The following CIROZ variants were observed in gnomAD, a reference collection of about 807,000 sequenced individuals.
CIROZ encodes ciliated left-right organizer protein containing ZP-N domains, also known as ciliated left-right organizer ZP-N domains-containing protein.
chr1:10,954,068 C>G, the CIROZ span: 4 of 1,613,850 alleles, frequency 2.5e-6, no homozygotes, highest in Non-Finnish European at 1.7e-6. Context: ...GGGCAGCCAT[C>G]TCGGCAAATT....
At chr1:10,953,796 C>T in the CIROZ span, among the ~76,000 whole-genome samples, 1 of 152,176 alleles carries the variant, frequency 6.6e-6, no homozygotes, top group African/African-American at 2.4e-5. Flanking sequence ...TGGCAGACTC[C>T]AGGGCCAGGA....
chr1:10,977,767 G>C, the CIROZ span, among the ~76,000 whole-genome samples: 1 of 152,158 alleles, frequency 6.6e-6, no homozygotes, highest in African/African-American at 2.4e-5. Context: ...ATAGCACAAA[G>C]GTGATGAAAG....
chr1:10,948,946 C>T, the CIROZ span: 51 of 1,184,592 alleles, frequency 4.3e-5, no homozygotes, highest in Middle Eastern at 2.3e-4. Flanking sequence ...TTCGAGGGAC[C>T]GGGTGCGGTG....
At chr1:10,963,735 G>C in the CIROZ span, among the ~76,000 whole-genome samples, 2 of 150,636 alleles carry the variant, frequency 1.3e-5, no homozygotes, top group Non-Finnish European at 3.0e-5. Context: ...CATTACCCAG[G>C]TCAAAAAAAA....
chr1:10,959,310 C>G, the CIROZ span, among the ~76,000 whole-genome samples: 4 of 152,140 alleles, frequency 2.6e-5, no homozygotes, highest in African/African-American at 9.7e-5. This position sits in a 1 kb window ranked among gnomAD's most constrained non-coding sequence, Gnocchi z 4.3. Flanking sequence ...TGAGACAGGC[C>G]CAGGCAAACC....
At chr1:10,947,962 C>A in the CIROZ span, 17 of 1,613,752 alleles carry the variant, frequency 1.1e-5, no homozygotes, top group Non-Finnish European at 1.4e-5. Flanking sequence ...GGCCCTCCCA[C>A]AGATGAGGCT....
chr1:10,949,797 G>A, the CIROZ span: 1 of 1,565,320 alleles, frequency 6.4e-7, no homozygotes, highest in African/African-American at 1.4e-5. Flanking sequence ...GTTGAGGCAG[G>A]CGACTCTGTT....
chr1:10,975,178 C>T, the CIROZ span, among the ~76,000 whole-genome samples: 2 of 152,038 alleles, frequency 1.3e-5, no homozygotes, highest in Non-Finnish European at 2.9e-5. Context: ...TAGGCCGAGG[C>T]GGGTGGATCA....
chr1:10,962,915 T>C, the CIROZ span, among the ~76,000 whole-genome samples: 1 of 151,876 alleles, frequency 6.6e-6, no homozygotes, highest in Non-Finnish European at 1.5e-5. Flanking sequence ...AAGCCAGGAG[T>C]TTGAGACCAG....
the CIROZ span, among the ~76,000 whole-genome samples, chr1:10,979,501 G>C: frequency 6.6e-6 from 1 of 152,148 alleles, no homozygotes; most frequent in African/African-American, 2.4e-5. Flanking sequence ...CTCCTGGCGG[G>C]AGTGAGGTTG....
chr1:10,972,420 T>TACAAACACACACACAC, the CIROZ span, among the ~76,000 whole-genome samples: 1 of 131,724 alleles, frequency 7.6e-6, no homozygotes, highest in Non-Finnish European at 1.6e-5. Flanking sequence ...GTCTCTGAAA[T>TACAAACACACACACAC]ACACACACAC....
the CIROZ span, among the ~76,000 whole-genome samples, chr1:10,964,750 C>T: frequency 1.3e-5 from 2 of 152,286 alleles, no homozygotes; most frequent in South Asian, 2.1e-4. Context: ...TGTGCCTCAG[C>T]CTCCCAAGTA....
At chr1:10,956,524 G>A in the CIROZ span, among the ~76,000 whole-genome samples, 2 of 149,828 alleles carry the variant, frequency 1.3e-5, no homozygotes, top group Non-Finnish European at 3.0e-5. Context: ...CCCCCAGGCT[G>A]GAGTGCAGTG....
the CIROZ span, chr1:10,948,751 C>T: frequency 6.5e-7 from 1 of 1,540,658 alleles, no homozygotes; most frequent in Non-Finnish European, 8.7e-7. Flanking sequence ...GGCTGGGGAC[C>T]TCGCTGAGCT....
chr1:10,975,330 C>T, the CIROZ span, among the ~76,000 whole-genome samples: 8 of 148,820 alleles, frequency 5.4e-5, no homozygotes, highest in South Asian at 2.2e-4. Context: ...CGCTTCAACC[C>T]GGGAGCAGAG....
the CIROZ span, chr1:10,955,092 G>A: frequency 6.2e-7 from 1 of 1,614,020 alleles, no homozygotes; most frequent in South Asian, 1.1e-5. Flanking sequence ...GGAATCTGAG[G>A]CTCAGGGTTT....
chr1:10,965,207 G>A, the CIROZ span, among the ~76,000 whole-genome samples: 4 of 151,942 alleles, frequency 2.6e-5, no homozygotes, highest in Non-Finnish European at 5.9e-5. Context: ...AGAGAAGGGC[G>A]ACCACAGAGA....
the CIROZ span, chr1:10,948,231 T>A: frequency 6.2e-7 from 1 of 1,613,892 alleles, no homozygotes; most frequent in Non-Finnish European, 8.5e-7. Context: ...CCTGGCCCCC[T>A]CCCTGGGGAG....
At chr1:10,955,205 A>G in the CIROZ span, 10 of 1,582,102 alleles carry the variant, frequency 6.3e-6, no homozygotes, top group Non-Finnish European at 7.8e-6. Context: ...GGAAGGACAC[A>G]GGACACAGAA....
Sources: gnomAD v4.1 joint callset for allele counts (sites outside exome capture counted in the v4.1 genomes callset) on GRCh38, gnomAD v4.1.1 for gene constraint, Gnocchi (gnomAD v3.1) non-coding constraint, MANE v1.5 for transcripts, NCBI Gene and HGNC (gene_info 2026-07-23, HGNC 2026-07-21) for gene names.